PLCXD2: variants seen among roughly 807,000 people sequenced by gnomAD.
PLCXD2 encodes the protein phosphatidylinositol specific phospholipase C X domain containing 2, also known as PI-PLC X domain-containing protein 2.
A neutral mutation model predicts 28.6 loss-of-function variants in PLCXD2; 21 were observed. The ratio of observed to expected loss-of-function variants is 0.73; its 90% CI spans 0.52 to 1.06. PLCXD2 has a LOEUF of 1.06. Among genes scored for constraint, PLCXD2 ranks in the 50% least tolerant of loss-of-function variants. PLCXD2 has a pLI of 0.00. For missense variants in PLCXD2, 369 were observed against 376.7 expected (o/e 0.98, Z 0.17); for synonymous variants, 140 against 150.1 (o/e 0.93, Z 0.49).
chr3:111,690,741 AAG>A (rs1940865479), intron 1 of PLCXD2, among the ~76,000 whole-genome samples: 1 of 152,222 alleles, frequency 6.6e-6, no homozygotes, highest in South Asian at 2.1e-4. Flanking sequence ...ATTTACAGGA[AAG>A]AGAAAAAAAC....
intron 1 of PLCXD2, among the ~76,000 whole-genome samples, chr3:111,694,215 C>A (rs1478207648): frequency 6.6e-6 from 1 of 152,174 alleles, no homozygotes; most frequent in Non-Finnish European, 1.5e-5. Context: ...TCTGTTTCCT[C>A]AGCAGATCCA....
In PLCXD2 at chr3:111,708,147, T is replaced by G. The variant is rs1288945139; in HGVS notation, c.385T>G (p.Tyr129Asp). The G allele has an allele frequency of 2.5e-6, 4 of 1,614,122 alleles. No homozygotes were observed. Among genetic ancestry groups the G allele is most frequent in the Non-Finnish European group, 3.4e-6 (4 of 1,180,054 alleles). The change falls in exon 2 of 5, where the codon TAC (tyrosine) becomes GAC (aspartate). Residue 129 changes from tyrosine (Y) to aspartate (D), a missense_variant. Coordinates refer to ENST00000477665, the MANE Select transcript of PLCXD2 (RefSeq NM_001185106.1). ...ACCAGGGGATGCCGACCAGGAGATC[T>G]ACTTCATCCATGGGCTTTTTGGCAT...
intron 3 of PLCXD2, chr3:111,723,104 T>A (rs1941367738): frequency 6.6e-6 from 1 of 152,240 alleles, no homozygotes; most frequent in Admixed American, 6.5e-5. Flanking sequence ...ATTTTTGTTG[T>A]CATTTCATTT....
intron 1 of PLCXD2, among the ~76,000 whole-genome samples, chr3:111,706,107 T>C (rs1941114600): frequency 6.6e-6 from 1 of 152,134 alleles, no homozygotes. Flanking sequence ...GATCCACCAG[T>C]CTCAGCCTCC....
chr3:111,718,975 C>T (rs1268760858), intron 3 of PLCXD2, among the ~76,000 whole-genome samples: 1 of 152,066 alleles, frequency 6.6e-6, no homozygotes, highest in African/African-American at 2.4e-5. Context: ...ACTGAAAGAC[C>T]GTTAGTGAGA....
intron 1 of PLCXD2, among the ~76,000 whole-genome samples, chr3:111,690,020 A>T (rs1940851538): frequency 6.6e-6 from 1 of 152,248 alleles, no homozygotes; most frequent in African/African-American, 2.4e-5. Context: ...TAATTATTAT[A>T]ATAAATTAAT....
At chr3:111,716,635 G>T (rs956644110) in intron 3 of PLCXD2, among the ~76,000 whole-genome samples, 5 of 152,188 alleles carry the variant, frequency 3.3e-5, no homozygotes, top group African/African-American at 1.2e-4. Context: ...AACTCTATAA[G>T]GGAACATGGA....
chr3:111,682,249 A>T (rs775486723), intron 1 of PLCXD2, among the ~76,000 whole-genome samples: 4 of 152,216 alleles, frequency 2.6e-5, no homozygotes, highest in Non-Finnish European at 5.9e-5. Context: ...TTATATTAGT[A>T]GGTCTCTAGG....
At position 111,708,323 on chromosome 3, in the gene PLCXD2, G is replaced by A. The variant is rs1941149933; in HGVS notation, c.561G>A (p.Lys187=). The stretch of plus-strand genomic sequence containing the variant: ...GGATCCAGGAGGCCTTTGGAAACAA[G>A]CTGTGCCCAGCCTGCAGTGTGGAAA... The change falls in exon 2 of 5, where the codon AAG becomes AAA. Residue 187 remains lysine (K), a synonymous_variant. Coordinates refer to ENST00000477665, the MANE Select transcript of PLCXD2 (RefSeq NM_001185106.1). The A allele has an allele frequency of 6.2e-7, 1 of 1,614,050 alleles. No individual in the cohort carries two copies. Among genetic ancestry groups the A allele is most frequent in the South Asian group, 1.1e-5 (1 of 91,094 alleles).
intron 1 of PLCXD2, among the ~76,000 whole-genome samples, chr3:111,676,461 G>A (rs1326774629): frequency 1.3e-5 from 2 of 152,214 alleles, no homozygotes; most frequent in Non-Finnish European, 2.9e-5. Flanking sequence ...TTCTGTGCAT[G>A]AGGAAGAGCA....
At chr3:111,723,798 A>T (rs767379458) in intron 3 of PLCXD2, 2 of 152,150 alleles carry the variant, frequency 1.3e-5, no homozygotes, top group Non-Finnish European at 2.9e-5. Flanking sequence ...CCAACAATAA[A>T]ATAGTGACCC....
intron 1 of PLCXD2, among the ~76,000 whole-genome samples, chr3:111,705,546 G>T (rs144945154): frequency 6.6e-6 from 1 of 152,084 alleles, no homozygotes; most frequent in Admixed American, 6.5e-5. Flanking sequence ...TTGCTGGATT[G>T]TGTAGTAGTT....
intron 1 of PLCXD2, among the ~76,000 whole-genome samples, chr3:111,685,684 A>G (rs1391995651): frequency 6.6e-6 from 1 of 152,222 alleles, no homozygotes; most frequent in Non-Finnish European, 1.5e-5. Flanking sequence ...GAGAAGGCTT[A>G]TTAGGGAATG....
chr3:111,711,412 T>A (rs1355136569), intron 2 of PLCXD2, among the ~76,000 whole-genome samples: 1 of 151,980 alleles, frequency 6.6e-6, no homozygotes, highest in Non-Finnish European at 1.5e-5. Context: ...CTCAAAAAAA[T>A]AAATAAATAA....
chr3:111,707,034 C>G (rs1941129530), intron 1 of PLCXD2, among the ~76,000 whole-genome samples: 1 of 152,064 alleles, frequency 6.6e-6, no homozygotes, highest in Non-Finnish European at 1.5e-5. Context: ...GAAAGAAAAT[C>G]AACAAAGAAA....
chr3:111,723,950 G>A (rs1450166574), intron 3 of PLCXD2: 2 of 152,114 alleles, frequency 1.3e-5, no homozygotes, highest in Admixed American at 1.3e-4. Context: ...AGAATTTTAG[G>A]TCATATTTAT....
intron 2 of PLCXD2, among the ~76,000 whole-genome samples, chr3:111,709,156 A>T (rs1941164951): frequency 6.6e-6 from 1 of 152,238 alleles, no homozygotes. Context: ...AGATGCATTA[A>T]CCAAAACAAC....
chr3:111,677,606 C>T (rs1231503307), intron 1 of PLCXD2, among the ~76,000 whole-genome samples: 1 of 152,094 alleles, frequency 6.6e-6, no homozygotes, highest in Non-Finnish European at 1.5e-5. Flanking sequence ...AATTATTGTT[C>T]AAAGAGGTTA....
chr3:111,693,506 A>G (rs780467353), intron 1 of PLCXD2, among the ~76,000 whole-genome samples: 4 of 152,102 alleles, frequency 2.6e-5, no homozygotes, highest in Non-Finnish European at 5.9e-5. Context: ...CAAGTCACCT[A>G]TTTGTGTGGA....
Sources: allele counts gnomAD v4.1 joint callset (sites outside exome capture counted in the v4.1 genomes callset), GRCh38; gene constraint gnomAD v4.1.1; transcripts MANE v1.5; gene names NCBI Gene and HGNC (gene_info 2026-07-23, HGNC 2026-07-21).